HECW2: variants seen among roughly 807,000 people sequenced by gnomAD.
The protein encoded by HECW2 is E3 ubiquitin-protein ligase HECW2.
A neutral mutation model predicts 175.2 loss-of-function variants in HECW2; 61 were observed. The observed-to-expected ratio is 0.35, with a 90% CI of 0.28 to 0.43. The LOEUF is 0.43. Ranked by LOEUF, HECW2 falls within the 20% of genes least tolerant of loss-of-function variation. HECW2 has a pLI of 1.00. For synonymous variants in HECW2, 671 were observed against 731.0 expected, an observed-to-expected ratio of 0.92 and a Z score of 1.32; for missense variants, 1,524 against 2,000.5, an observed-to-expected ratio of 0.76 and a Z score of 4.54.
chr2:196,466,980 T>G (rs1389388422), intron 1 of HECW2, among the ~76,000 whole-genome samples: 1 of 152,246 alleles, frequency 6.6e-6, no homozygotes, highest in African/African-American at 2.4e-5. Context: ...TCAGACTTGC[T>G]AGACTAGAAT....
intron 17 of HECW2, among the ~76,000 whole-genome samples, chr2:196,261,752 T>C (rs914091736): frequency 2.0e-5 from 3 of 152,256 alleles, no homozygotes; most frequent in Non-Finnish European, 4.4e-5. Context: ...TTTTGTAGTT[T>C]ATAAAAGCTG....
chr2:196,356,271 G>C (rs773423607), intron 2 of HECW2, among the ~76,000 whole-genome samples: 1 of 152,198 alleles, frequency 6.6e-6, no homozygotes, highest in Non-Finnish European at 1.5e-5. Context: ...AATGAGGAGA[G>C]TAAAACAGGA....
chr2:196,235,645 ATTC>A (rs1330074752), intron 21 of HECW2, among the ~76,000 whole-genome samples: 1,734 of 100,216 alleles, frequency 0.017, 40 homozygotes, highest in African/African-American at 0.064. Context: ...TAGATGCATT[ATTC>A]TTTTTTTTTT....
chr2:196,281,315 A>T (rs908790104), intron 14 of HECW2, among the ~76,000 whole-genome samples: 3 of 152,068 alleles, frequency 2.0e-5, no homozygotes, highest in Admixed American at 1.3e-4. Flanking sequence ...CAAGGAGACA[A>T]CTAACAATTA....
chr2:196,337,574 A>AAT (rs57544424), intron 3 of HECW2, among the ~76,000 whole-genome samples: 8 of 95,296 alleles, frequency 8.4e-5, no homozygotes, highest in African/African-American at 2.2e-4. Context: ...AAAATAAAAA[A>AAT]ATATATATAT....
At chr2:196,376,751 C>T (rs1175679138) in intron 2 of HECW2, among the ~76,000 whole-genome samples, 3 of 151,318 alleles carry the variant, frequency 2.0e-5, no homozygotes, top group Admixed American at 6.6e-5. Context: ...CTGACCAATA[C>T]GATGAAACCC....
intron 21 of HECW2, among the ~76,000 whole-genome samples, chr2:196,230,725 C>T (rs955658145): frequency 6.6e-6 from 1 of 152,194 alleles, no homozygotes; most frequent in African/African-American, 2.4e-5. Flanking sequence ...AAGTGCTAGT[C>T]ATCAGCTAAA....
At chr2:196,437,785 A>G (rs1695923756) in intron 1 of HECW2, among the ~76,000 whole-genome samples, 1 of 152,000 alleles carries the variant, frequency 6.6e-6, no homozygotes. Context: ...AGCGGGAGAG[A>G]GAAAAATGAA....
chr2:196,449,852 A>G (rs1696292904), intron 1 of HECW2, among the ~76,000 whole-genome samples: 1 of 152,218 alleles, frequency 6.6e-6, no homozygotes, highest in East Asian at 1.9e-4. Flanking sequence ...AATTTATAGA[A>G]AGATAAGACA....
intron 1 of HECW2, among the ~76,000 whole-genome samples, chr2:196,485,572 T>G (rs1686974350): frequency 6.6e-6 from 1 of 152,108 alleles, no homozygotes; most frequent in South Asian, 2.1e-4. Flanking sequence ...CCCTCATGAC[T>G]TACCTCCTAT....
chr2:196,329,089 C>A (rs1037796502), intron 5 of HECW2, among the ~76,000 whole-genome samples: 1 of 152,000 alleles, frequency 6.6e-6, no homozygotes, highest in African/African-American at 2.4e-5. Flanking sequence ...CCGTGCTTTA[C>A]TTGTATGGTA....
intron 28 of HECW2, among the ~76,000 whole-genome samples, chr2:196,212,103 C>T (rs914106568): frequency 6.6e-6 from 1 of 152,174 alleles, no homozygotes; most frequent in African/African-American, 2.4e-5. Context: ...TCCCAAAGTG[C>T]TGGGATTACA....
At chr2:196,219,987 C>T in intron 26 of HECW2, 52 bp downstream of exon 26, 2 of 1,194,664 alleles carry the variant, frequency 1.7e-6, no homozygotes, top group East Asian at 2.3e-5. Flanking sequence ...CTGAACCATG[C>T]CTTCCTTTAA....
At chr2:196,403,990 C>A (rs1694889997) in intron 2 of HECW2, among the ~76,000 whole-genome samples, 1 of 152,186 alleles carries the variant, frequency 6.6e-6, no homozygotes, top group African/African-American at 2.4e-5. Context: ...TTAGGCCTCA[C>A]ATTCATCTGA....
At chr2:196,224,735 AT>A (rs1450494052) in intron 23 of HECW2, among the ~76,000 whole-genome samples, 2 of 152,130 alleles carry the variant, frequency 1.3e-5, no homozygotes, top group Admixed American at 1.3e-4. Context: ...TAGGGTGTGA[AT>A]TTGAGGTAAG....
At chr2:196,206,876 TACAA>T (rs1268772096) in intron 28 of HECW2, among the ~76,000 whole-genome samples, 1 of 152,212 alleles carries the variant, frequency 6.6e-6, no homozygotes, top group African/African-American at 2.4e-5. Flanking sequence ...TGGCCCTGCA[TACAA>T]ACAGTTAATA....
intron 1 of HECW2, among the ~76,000 whole-genome samples, chr2:196,443,471 T>C (rs796069137): frequency 6.6e-6 from 1 of 152,294 alleles, no homozygotes; most frequent in African/African-American, 2.4e-5. Flanking sequence ...GAGGTATCAG[T>C]TTTTTACATT....
chr2:196,347,446 G>C (rs370926919), intron 2 of HECW2, among the ~76,000 whole-genome samples: 1 of 151,948 alleles, frequency 6.6e-6, no homozygotes, highest in East Asian at 1.9e-4. Context: ...TCCTGACCTT[G>C]GGTGATCAGC....
intron 14 of HECW2, chr2:196,291,013 A>C (rs1690583107): frequency 6.6e-6 from 1 of 152,210 alleles, no homozygotes; most frequent in African/African-American, 2.4e-5. Flanking sequence ...TGAGAGTTTA[A>C]GGGCTTCTCC....
Sources: allele counts gnomAD v4.1 joint callset (sites outside exome capture counted in the v4.1 genomes callset), GRCh38; gene constraint gnomAD v4.1.1; transcripts MANE v1.5; gene names NCBI Gene and HGNC (gene_info 2026-07-23, HGNC 2026-07-21).